The following LDB2 variants were observed in gnomAD, a reference collection of about 807,000 sequenced individuals.
LDB2 encodes the protein LIM domain binding 2.
A neutral mutation model predicts 44.3 loss-of-function variants in LDB2; 12 were observed. That is an observed-to-expected ratio of 0.27 (90% confidence interval 0.17 to 0.44). The LOEUF (loss-of-function observed/expected upper bound fraction) is 0.44, where lower values mean the gene tolerates loss of function less well. LDB2 is among the 20% of genes least tolerant of loss of function. The probability of loss-of-function intolerance (pLI) is 1.00; values close to 1 mark genes in which losing one functional copy is unlikely to be tolerated. For missense variants in LDB2, 344 were observed against 473.5 expected, an observed-to-expected ratio of 0.73 and a Z score of 2.54; for synonymous variants, 164 against 174.8, an observed-to-expected ratio of 0.94 and a Z score of 0.49.
At chr4:16,565,664 A>AGAT (rs1332977594) in intron 5 of LDB2, among the ~76,000 whole-genome samples, 3 of 152,060 alleles carry the variant, frequency 2.0e-5, no homozygotes, top group Non-Finnish European at 2.9e-5. Flanking sequence ...GAAAGAAATA[A>AGAT]GATATAAAAA....
At chr4:16,641,847 A>G (rs548828859) in intron 2 of LDB2, among the ~76,000 whole-genome samples, 4 of 152,320 alleles carry the variant, frequency 2.6e-5, no homozygotes, top group African/African-American at 9.6e-5. Context: ...CATTGAAAAC[A>G]AGGCAGAGAG....
intron 1 of LDB2, among the ~76,000 whole-genome samples, chr4:16,849,295 C>T (rs1787720958): frequency 6.6e-6 from 1 of 152,130 alleles, no homozygotes; most frequent in African/African-American, 2.4e-5. Flanking sequence ...TAAAGTAGCC[C>T]CAAACGTACT....
In LDB2 at chr4:16,597,085, T is replaced by C. The variant is rs181726336; in HGVS notation, c.236-1210A>G. ...CGTCACTTGAATGTTTTAAAATATT[T>C]AATTTCATTTTAAAAGAATCAGTGA... On this transcript the variant is annotated intron_variant, in intron 2 of 7. Coordinates refer to ENST00000304523, the MANE Select transcript of LDB2 (RefSeq NM_001290.5). Among the ~76,000 whole-genome samples, 58 of 152,376 alleles carry C rather than the reference T, an allele frequency of 3.8e-4. No homozygotes were observed. In the East Asian group the frequency reaches 9.4e-3, roughly 25 times the overall value.
intron 5 of LDB2, among the ~76,000 whole-genome samples, chr4:16,557,115 C>T (rs1739927431): frequency 6.6e-6 from 1 of 152,172 alleles, no homozygotes; most frequent in Admixed American, 6.5e-5. Flanking sequence ...CGAATAGGAA[C>T]AGCGCCGGTC....
intron 1 of LDB2, among the ~76,000 whole-genome samples, chr4:16,803,421 T>C (rs1778218836): frequency 6.6e-6 from 1 of 152,196 alleles, no homozygotes; most frequent in Non-Finnish European, 1.5e-5. Context: ...GAAAAACAAG[T>C]ATAAATTTAT....
intron 1 of LDB2, among the ~76,000 whole-genome samples, chr4:16,824,608 C>G (rs949560174): frequency 1.3e-5 from 2 of 152,346 alleles, no homozygotes; most frequent in African/African-American, 2.4e-5. Context: ...GGAATTTGAA[C>G]CTACACCTAT....
intron 2 of LDB2, among the ~76,000 whole-genome samples, chr4:16,641,899 C>T (rs1306369894): frequency 1.3e-5 from 2 of 151,958 alleles, no homozygotes; most frequent in Non-Finnish European, 2.9e-5. Flanking sequence ...TATGAAAGAA[C>T]ATTAACAAAG....
chr4:16,574,360 A>G (rs1198869101), intron 5 of LDB2, among the ~76,000 whole-genome samples: 1 of 152,224 alleles, frequency 6.6e-6, no homozygotes, highest in Admixed American at 6.5e-5. Context: ...TACTGGGGAG[A>G]GGTGCCAAAT....
At chr4:16,701,452 T>C (rs1423737731) in intron 2 of LDB2, among the ~76,000 whole-genome samples, 3 of 152,198 alleles carry the variant, frequency 2.0e-5, no homozygotes, top group Admixed American at 2.0e-4. Flanking sequence ...GAACAAGTAA[T>C]GATGAAATGA....
At chr4:16,802,358 C>G (rs914582095) in intron 1 of LDB2, among the ~76,000 whole-genome samples, 2 of 152,146 alleles carry the variant, frequency 1.3e-5, no homozygotes, top group Non-Finnish European at 2.9e-5. Context: ...AATCTGCCAG[C>G]AAAAGCAATC....
intron 1 of LDB2, among the ~76,000 whole-genome samples, chr4:16,867,146 C>T (rs1714998616): frequency 6.6e-6 from 1 of 152,192 alleles, no homozygotes. Context: ...CCAACATCAA[C>T]TGCCAGACAT....
chr4:16,721,527 T>A (rs1027007100), intron 2 of LDB2, among the ~76,000 whole-genome samples: 2 of 152,172 alleles, frequency 1.3e-5, no homozygotes, highest in Non-Finnish European at 2.9e-5. Context: ...ATCATTTTTT[T>A]AACAAAAATT....
In LDB2 at chr4:16,749,558, C is replaced by CAA. The variant is rs1287627062; in HGVS notation, c.235+9598_235+9599dup. On this transcript the variant is annotated intron_variant, in intron 2 of 7. Coordinates refer to ENST00000304523, the MANE Select transcript of LDB2 (RefSeq NM_001290.5). ...TGAGCGACAGAGCAAGACTCCATCT[C>CAA]AAAAAAAAAAAAAATAAAAAAATAA... Among the ~76,000 whole-genome samples the CAA allele has an allele frequency of 7.4e-3, 560 of 75,482 alleles. 6 individuals carry two copies. In the East Asian group the frequency reaches 0.1, roughly 14 times the overall value. 49.5% of individuals were successfully genotyped at this position (75,482 alleles called of 152,430 possible). A position where few individuals can be genotyped will look rare whatever the true frequency, so the allele number is the denominator to read the frequency against.
intron 2 of LDB2, among the ~76,000 whole-genome samples, chr4:16,644,800 T>C (rs919911094): frequency 1.3e-5 from 2 of 152,182 alleles, no homozygotes; most frequent in Admixed American, 1.3e-4. Flanking sequence ...TAGCTTCCAT[T>C]ATCCTCTTCT....
At position 16,719,095 on chromosome 4, in the gene LDB2, A is replaced by C. The variant is rs748735230; in HGVS notation, c.235+40063T>G. Among the ~76,000 whole-genome samples the C allele has an allele frequency of 1.5e-3, 231 of 151,640 alleles. 1 individual carries two copies. Among genetic ancestry groups the C allele is most frequent in the Middle Eastern group, 6.8e-3 (2 of 294 alleles). ...CAAATGCAAAAGAAGAAAAAAAAAAACCTATTTTCTACTCAGTGGACAAAC... is the reference window on the plus strand; with the variant it reads ...CAAATGCAAAAGAAGAAAAAAAAAACCCTATTTTCTACTCAGTGGACAAAC... On this transcript the variant is annotated intron_variant, in intron 2 of 7. Transcript: ENST00000304523.
intron 1 of LDB2, among the ~76,000 whole-genome samples, chr4:16,892,713 A>C (rs1177831498): frequency 6.6e-6 from 1 of 152,158 alleles, no homozygotes; most frequent in Admixed American, 6.5e-5. Context: ...CTCATGAAAA[A>C]TGAGTTAATG....
chr4:16,536,803 G>C (rs1560399347), intron 5 of LDB2, among the ~76,000 whole-genome samples: 1 of 152,342 alleles, frequency 6.6e-6, no homozygotes, highest in African/African-American at 2.4e-5. Context: ...CACAGGTTAG[G>C]AGTCAAACAA....
At chr4:16,516,807 G>A (rs1191795067) in intron 5 of LDB2, among the ~76,000 whole-genome samples, 1 of 152,078 alleles carries the variant, frequency 6.6e-6, no homozygotes, top group Non-Finnish European at 1.5e-5. Context: ...TCCCATCGCT[G>A]TAACCCACCC....
chr4:16,855,131 A>C (rs577118124), intron 1 of LDB2, among the ~76,000 whole-genome samples: 81 of 152,246 alleles, frequency 5.3e-4, no homozygotes, highest in Non-Finnish European at 9.3e-4. Flanking sequence ...GATCATTTCC[A>C]GGGATACGCA....
Sources: gnomAD v4.1 joint callset for allele counts (sites outside exome capture counted in the v4.1 genomes callset) on GRCh38, gnomAD v4.1.1 for gene constraint, MANE v1.5 for transcripts, NCBI Gene and HGNC (gene_info 2026-07-23, HGNC 2026-07-21) for gene names.